Variants in CALN1 observed in about 807,000 individuals in gnomAD.
CALN1 encodes the protein calcium-binding protein 8.
A neutral mutation model predicts 30.6 loss-of-function variants in CALN1; 17 were observed. The observed-to-expected ratio is 0.56, with a 90% CI of 0.38 to 0.83. CALN1 has a LOEUF of 0.83. Ranked by LOEUF, CALN1 falls within the 40% of genes least tolerant of loss-of-function variation. The pLI is 0.00. For synonymous variants in CALN1, 156 were observed against 131.4 expected (o/e 1.19, Z -1.28); for missense variants, 291 against 354.9 (o/e 0.82, Z 1.45).
chr7:71,855,819 C>A (rs551638471), intron 5 of CALN1, among the ~76,000 whole-genome samples: 8 of 152,176 alleles, frequency 5.3e-5, no homozygotes, highest in Non-Finnish European at 1.0e-4. Context: ...GAATACATTT[C>A]TTTTCAGCTT....
At chr7:72,293,131 G>A (rs1460498966) in intron 2 of CALN1, among the ~76,000 whole-genome samples, 1 of 152,108 alleles carries the variant, frequency 6.6e-6, no homozygotes, top group Non-Finnish European at 1.5e-5. Flanking sequence ...GCCTGTATCA[G>A]GCAGTTCAAC....
intron 2 of CALN1, among the ~76,000 whole-genome samples, chr7:72,339,075 G>C (rs964941900): frequency 6.8e-6 from 1 of 147,990 alleles, no homozygotes; most frequent in Non-Finnish European, 1.5e-5. Flanking sequence ...TGTGATGTTT[G>C]TCTTTCTGTG....
At chr7:72,098,762 G>GCACACACACACA (rs1491515765) in intron 4 of CALN1, among the ~76,000 whole-genome samples, 287 of 115,372 alleles carry the variant, frequency 2.5e-3, no homozygotes, top group African/African-American at 7.7e-3. Flanking sequence ...CCCATTTGGC[G>GCACACACACACA]CGCACACACA....
At chr7:72,212,290 C>A (rs965271112) in intron 3 of CALN1, among the ~76,000 whole-genome samples, 1 of 145,470 alleles carries the variant, frequency 6.9e-6, no homozygotes, top group Non-Finnish European at 1.5e-5. Flanking sequence ...TGGAGGACTG[C>A]AGTGAGCGGA....
At chr7:72,213,492 T>C (rs1168724605) in intron 3 of CALN1, among the ~76,000 whole-genome samples, 1 of 152,174 alleles carries the variant, frequency 6.6e-6, no homozygotes, top group Non-Finnish European at 1.5e-5. Flanking sequence ...TTTGGGGTGA[T>C]GGAAATCTAC....
At chr7:71,954,514 T>G (rs907237095) in intron 5 of CALN1, among the ~76,000 whole-genome samples, 1 of 151,732 alleles carries the variant, frequency 6.6e-6, no homozygotes, top group African/African-American at 2.4e-5. Flanking sequence ...TAGCTGGGCA[T>G]AGTGGTGTGC....
At chr7:72,389,781 C>T (rs2944797) in intron 2 of CALN1, among the ~76,000 whole-genome samples, 148,607 of 152,172 alleles carry the variant, frequency 0.98, 72,650 homozygotes, top group Middle Eastern at 1. Flanking sequence ...TAGCTAGGCA[C>T]AGTGGTGCAT....
intron 5 of CALN1, among the ~76,000 whole-genome samples, chr7:71,897,087 T>C (rs1463484525): frequency 1.3e-5 from 2 of 152,140 alleles, no homozygotes; most frequent in Non-Finnish European, 2.9e-5. Flanking sequence ...CCCTGGAAAC[T>C]TGCAGGCAGC....
At chr7:72,186,951 C>G (rs16869613) in intron 3 of CALN1, among the ~76,000 whole-genome samples, 4,720 of 75,832 alleles carry the variant, frequency 0.062, 252 homozygotes, top group African/African-American at 0.2. Flanking sequence ...TCAGCATTTT[C>G]TAAACTGTTC....
chr7:72,047,886 A>G (rs1802573390), intron 4 of CALN1, among the ~76,000 whole-genome samples: 1 of 152,082 alleles, frequency 6.6e-6, no homozygotes, highest in Admixed American at 6.6e-5. Context: ...AAAAACGGGA[A>G]AGTGCTGCAG....
At chr7:72,366,152 T>A (rs1219471644) in intron 2 of CALN1, among the ~76,000 whole-genome samples, 1 of 151,904 alleles carries the variant, frequency 6.6e-6, no homozygotes, top group African/African-American at 2.4e-5. Flanking sequence ...TTATCTTTTT[T>A]ATTTTATTTT....
chr7:71,877,615 C>T (rs941354211), intron 5 of CALN1, among the ~76,000 whole-genome samples: 4 of 150,318 alleles, frequency 2.7e-5, no homozygotes, highest in South Asian at 2.1e-4. Flanking sequence ...ATACATTTGG[C>T]GAGAAAGTCA....
At chr7:71,849,434 C>CTG (rs1406010248) in intron 5 of CALN1, among the ~76,000 whole-genome samples, 2 of 80,732 alleles carry the variant, frequency 2.5e-5, no homozygotes, top group South Asian at 5.0e-4. Flanking sequence ...TTGGATCTTC[C>CTG]TATTTTTTTT....
the CALN1 span, among the ~76,000 whole-genome samples, chr7:72,481,001 G>A: frequency 6.6e-6 from 1 of 152,144 alleles, no homozygotes; most frequent in African/African-American, 2.4e-5. Flanking sequence ...TGCCCAGGCT[G>A]GAGTACAATG....
chr7:71,974,466 C>A (rs575511265), intron 5 of CALN1, among the ~76,000 whole-genome samples: 47 of 140,768 alleles, frequency 3.3e-4, no homozygotes, highest in Middle Eastern at 3.7e-3. Flanking sequence ...GAAAAAAAAA[C>A]CCCACACAGC....
At chr7:72,045,539 T>C (rs912538819) in intron 4 of CALN1, among the ~76,000 whole-genome samples, 8 of 152,162 alleles carry the variant, frequency 5.3e-5, no homozygotes, top group Non-Finnish European at 8.8e-5. Context: ...CTTCCTTTTC[T>C]TTTTTTGGAG....
intron 3 of CALN1, among the ~76,000 whole-genome samples, chr7:72,123,607 G>A (rs1808543184): frequency 6.6e-6 from 1 of 152,180 alleles, no homozygotes; most frequent in African/African-American, 2.4e-5. Flanking sequence ...ATTGAGACTG[G>A]CTCACGGAAG....
intron 3 of CALN1, among the ~76,000 whole-genome samples, chr7:72,180,986 T>A (rs1789739261): frequency 6.6e-6 from 1 of 151,152 alleles, no homozygotes; most frequent in African/African-American, 2.4e-5. Context: ...TAATCCCAGC[T>A]ACTTGGGAGG....
At chr7:72,195,388 T>C (rs542714972) in intron 3 of CALN1, among the ~76,000 whole-genome samples, 1 of 152,312 alleles carries the variant, frequency 6.6e-6, no homozygotes, top group African/African-American at 2.4e-5. Context: ...ATCTCTCTCT[T>C]TTTTTAAGAG....
Sources: allele counts gnomAD v4.1 joint callset (sites outside exome capture counted in the v4.1 genomes callset), GRCh38; gene constraint gnomAD v4.1.1; transcripts MANE v1.5; gene names NCBI Gene and HGNC (gene_info 2026-07-23, HGNC 2026-07-21).